The following SPADH variants were observed in gnomAD, a reference collection of about 807,000 sequenced individuals.
SPADH encodes CUB domain-containing protein.
At chr10:122,675,158 T>A in the SPADH span, among the ~76,000 whole-genome samples, 1 of 152,230 alleles carries the variant, frequency 6.6e-6, no homozygotes, top group Non-Finnish European at 1.5e-5. Context: ...CTGGTTTTGT[T>A]ATAGAATTTA....
the SPADH span, among the ~76,000 whole-genome samples, chr10:122,678,084 G>A: frequency 1.4e-4 from 21 of 152,286 alleles, no homozygotes; most frequent in Non-Finnish European, 2.2e-4. Flanking sequence ...CTAGTATAAA[G>A]TCAGCCCTGT....
At chr10:122,672,963 C>T in the SPADH span, 22 of 980,748 alleles carry the variant, frequency 2.2e-5, 1 homozygote, top group East Asian at 1.1e-4. Flanking sequence ...TTCTGGGCCT[C>T]GCACTGTTTT....
chr10:122,675,632 G>C, the SPADH span: 3 of 982,402 alleles, frequency 3.1e-6, no homozygotes, highest in Non-Finnish European at 3.6e-6. Context: ...GTTTTGTTTT[G>C]TCTTTCAGCC....
chr10:122,674,252 C>G, the SPADH span, among the ~76,000 whole-genome samples: 1 of 152,192 alleles, frequency 6.6e-6, no homozygotes, highest in Non-Finnish European at 1.5e-5. Context: ...GTTAGTGAAG[C>G]AAAAGTTTCC....
chr10:122,674,462 C>T, the SPADH span, among the ~76,000 whole-genome samples: 2 of 152,278 alleles, frequency 1.3e-5, no homozygotes, highest in Middle Eastern at 3.4e-3. Context: ...ATATGACAGG[C>T]ATGTTCAGGA....
the SPADH span, among the ~76,000 whole-genome samples, chr10:122,676,133 A>T: frequency 6.6e-6 from 1 of 152,216 alleles, no homozygotes; most frequent in African/African-American, 2.4e-5. Flanking sequence ...GATGCAGGCT[A>T]GAGGGAGGAG....
At chr10:122,679,054 A>G in the SPADH span, 5 of 982,990 alleles carry the variant, frequency 5.1e-6, no homozygotes, top group Admixed American at 1.8e-4. Flanking sequence ...ATTAATAGGA[A>G]GATCGGGGGA....
chr10:122,676,195 G>C, the SPADH span, among the ~76,000 whole-genome samples: 1 of 152,228 alleles, frequency 6.6e-6, no homozygotes, highest in Admixed American at 6.5e-5. Flanking sequence ...GATTCACCTA[G>C]TGTTTAACCA....
the SPADH span, chr10:122,676,756 C>T: frequency 3.9e-5 from 38 of 985,392 alleles, no homozygotes; most frequent in Non-Finnish European, 4.3e-5. Flanking sequence ...CCTCTTGTAG[C>T]ACCCAGTGAC....
At chr10:122,673,646 T>C in the SPADH span, among the ~76,000 whole-genome samples, 2 of 152,232 alleles carry the variant, frequency 1.3e-5, no homozygotes, top group African/African-American at 4.8e-5. Flanking sequence ...TCTCTTCCCC[T>C]GGCTTCCTGT....
the SPADH span, chr10:122,679,036 G>A: frequency 2.0e-6 from 2 of 984,932 alleles, no homozygotes; most frequent in East Asian, 1.1e-4. Context: ...TTGACGCTTG[G>A]TCAACACATT....
chr10:122,677,610 G>T, the SPADH span, among the ~76,000 whole-genome samples: 1 of 152,170 alleles, frequency 6.6e-6, no homozygotes, highest in Non-Finnish European at 1.5e-5. Flanking sequence ...ACAGATTTCA[G>T]CATGGAAACC....
chr10:122,676,801 T>C, the SPADH span: 1 of 985,324 alleles, frequency 1.0e-6, no homozygotes, highest in Non-Finnish European at 1.2e-6. Flanking sequence ...TATGGCAGGA[T>C]CTTCAACTAC....
At chr10:122,676,398 T>C in the SPADH span, among the ~76,000 whole-genome samples, 1 of 152,228 alleles carries the variant, frequency 6.6e-6, no homozygotes, top group Non-Finnish European at 1.5e-5. Flanking sequence ...TTGTCCAGCC[T>C]GCCCTAAGAA....
the SPADH span, among the ~76,000 whole-genome samples, chr10:122,673,654 T>C: frequency 1.3e-5 from 2 of 152,216 alleles, no homozygotes; most frequent in Non-Finnish European, 2.9e-5. Context: ...CCTGGCTTCC[T>C]GTTTCCCTCA....
chr10:122,678,808 A>C, the SPADH span: 4 of 779,320 alleles, frequency 5.1e-6, no homozygotes, highest in Non-Finnish European at 4.7e-6. Flanking sequence ...GCTGGAGGAC[A>C]AATCCAAATG....
chr10:122,676,629 T>C, the SPADH span: 2 of 737,738 alleles, frequency 2.7e-6, no homozygotes, highest in Non-Finnish European at 3.3e-6. Flanking sequence ...GCCATTAAGG[T>C]TGAATTTTCT....
chr10:122,678,629 G>T, the SPADH span, among the ~76,000 whole-genome samples: 1 of 152,174 alleles, frequency 6.6e-6, no homozygotes, highest in Admixed American at 6.5e-5. Flanking sequence ...TGCTGCCCTG[G>T]TGGAGGTGAA....
chr10:122,678,400 C>G, the SPADH span, among the ~76,000 whole-genome samples: 1 of 152,162 alleles, frequency 6.6e-6, no homozygotes, highest in South Asian at 2.1e-4. Flanking sequence ...GAAAGGAAGG[C>G]AGGAACCAGG....
Sources: allele counts gnomAD v4.1 joint callset (sites outside exome capture counted in the v4.1 genomes callset), GRCh38; gene constraint gnomAD v4.1.1; transcripts MANE v1.5; gene names NCBI Gene and HGNC (gene_info 2026-07-23, HGNC 2026-07-21).